The following TRNT1 variants were observed in gnomAD, a reference collection of about 807,000 sequenced individuals.
The protein encoded by TRNT1 is CCA tRNA nucleotidyltransferase 1, mitochondrial.
Under a neutral mutation model 45.6 loss-of-function variants are expected in TRNT1, and 44 were observed. The observed-to-expected ratio is 0.97, with a 90% CI of 0.76 to 1.24. The LOEUF is 1.24. Ranked by LOEUF, TRNT1 falls within the 50% of genes most tolerant of loss-of-function variation. TRNT1 has a pLI of 0.00. For missense variants in TRNT1, 633 were observed against 504.4 expected, an observed-to-expected ratio of 1.25 and a Z score of -2.44; for synonymous variants, 201 against 171.4, an observed-to-expected ratio of 1.17 and a Z score of -1.35.
At chr3:3,151,533 T>C (rs921502174), downstream of TRNT1, among the ~76,000 whole-genome samples, 17 of 152,226 alleles carry the variant, frequency 1.1e-4, no homozygotes, top group Admixed American at 3.3e-4. Context: ...TGTCAGATAA[T>C]GCAACCAGAA....
intron 1 of TRNT1, chr3:3,127,936 C>T (rs1199334950): frequency 2.6e-5 from 4 of 152,188 alleles, no homozygotes; most frequent in African/African-American, 9.7e-5. Context: ...GAGTTTATTT[C>T]TGTAACCAGG....
In TRNT1 at chr3:3,128,598, CAAAAAAAAAAAA is replaced by C. The variant is rs111647168; in HGVS notation, c.-27-404_-27-393del. Among the ~76,000 whole-genome samples the C allele has an allele frequency of 6.2e-4, 60 of 96,088 alleles. 1 individual carries two copies. The highest frequency in any genetic ancestry group is 8.7e-4 in the Non-Finnish European group (47 of 54,234). The allele number at this position is 96,088 out of a possible 152,430, so 63.0% of individuals were successfully genotyped here. On this transcript the variant is annotated intron_variant, in intron 1 of 7. Coordinates refer to ENST00000251607, the MANE Select transcript of TRNT1 (RefSeq NM_182916.3). ...TGAGCGACAGAGCGAGACTCCATCT[CAAAAAAAAAAAA>C]AAAAAAAAAAAGAATTCCTTTGTTA... is the stretch of plus-strand genomic sequence containing the variant.
intron 4 of TRNT1, among the ~76,000 whole-genome samples, chr3:3,142,482 C>T (rs995442453): frequency 6.6e-6 from 1 of 152,208 alleles, no homozygotes; most frequent in Non-Finnish European, 1.5e-5. Context: ...TTAACCACTA[C>T]ATTATTCCCT....
intron 4 of TRNT1, among the ~76,000 whole-genome samples, chr3:3,142,710 A>G (rs1044538001): frequency 6.6e-6 from 1 of 152,142 alleles, no homozygotes; most frequent in Non-Finnish European, 1.5e-5. Flanking sequence ...TCATATTCCT[A>G]TGATTTTTTC....
downstream of TRNT1, chr3:3,152,716 A>G (rs1425315335): frequency 2.7e-5 from 30 of 1,102,510 alleles, no homozygotes; most frequent in Non-Finnish European, 3.8e-5. Context: ...CTTCAGTTTT[A>G]TATAATACCA....
chr3:3,130,033 G>A (rs1452883688), intron 2 of TRNT1: 2 of 1,475,836 alleles, frequency 1.4e-6, no homozygotes, highest in African/African-American at 1.4e-5. Flanking sequence ...CTAAGTGCCA[G>A]TAGCTTCTTG....
chr3:3,133,786 G>A (rs139050872), intron 2 of TRNT1, among the ~76,000 whole-genome samples: 1 of 152,036 alleles, frequency 6.6e-6, no homozygotes, highest in African/African-American at 2.4e-5. Context: ...GAAGTCCGGA[G>A]CTCTTAGAAC....
Position 3,148,288 on chromosome 3 carries a change from T to C in TRNT1, c.*134T>C. 2.3e-6 allele frequency: 2 copies of C among 888,556 alleles called. No homozygotes were observed. Among genetic ancestry groups the C allele is most frequent in the South Asian group, 1.8e-5 (1 of 55,082 alleles). 55.0% of individuals were successfully genotyped at this position (888,556 alleles called of 1,614,324 possible). A position where few individuals can be genotyped will look rare whatever the true frequency, so the allele number is the denominator to read the frequency against. ...CCTCTGTAGAACAACAAGGGTCTTA[T>C]TTTGTGAATTATATATTTCAAGAAC... On this transcript the variant is annotated 3_prime_UTR_variant, in exon 8 of 8. Coordinates refer to ENST00000251607, the MANE Select transcript of TRNT1 (RefSeq NM_182916.3).
chr3:3,151,090 C>T (rs1459756520), downstream of TRNT1: 12 of 1,593,556 alleles, frequency 7.5e-6, no homozygotes, highest in African/African-American at 2.7e-5. Flanking sequence ...CATTTCTGTA[C>T]TCCAAGCCTA....
Position 3,147,538 on chromosome 3 carries a change from C to G in TRNT1, c.891C>G (p.Ala297=). The change falls in exon 7 of 8, where the codon GCC becomes GCG. Residue 297 remains alanine (A), a synonymous_variant. Transcript: ENST00000251607. ...CACCAAAGCCAGTGACTCTTTTGGC[C>G]TCATTATTCAAAGTACAAGATGATG... ...GFSPKPVTLL[A]SLFKVQDDVT... The G allele has an allele frequency of 1.9e-6, 3 of 1,613,854 alleles. No homozygotes were observed. The highest frequency in any genetic ancestry group is 2.5e-6 in the Non-Finnish European group (3 of 1,179,858).
chr3:3,128,243 C>T (rs1400985177), intron 1 of TRNT1, among the ~76,000 whole-genome samples: 1 of 152,120 alleles, frequency 6.6e-6, no homozygotes, highest in Non-Finnish European at 1.5e-5. Flanking sequence ...TTCGTGGAGG[C>T]CTGGGGAGTT....
chr3:3,136,656 TTC>T (rs1378333429), intron 2 of TRNT1: 4 of 412,856 alleles, frequency 9.7e-6, no homozygotes, highest in Non-Finnish European at 1.9e-5. Flanking sequence ...TTCTTTTTTT[TTC>T]TTTTTTTTTT....
At chr3:3,129,892 A>G (rs1704893715) in intron 2 of TRNT1, 2 of 1,550,590 alleles carry the variant, frequency 1.3e-6, no homozygotes, top group Non-Finnish European at 1.7e-6. Context: ...CCCAGCTTGC[A>G]ACCGCTAAGC....
chr3:3,148,071 T>G lies in TRNT1; in HGVS notation c.1222T>G (p.Leu408Val). ...ISSGKEIGAL[L>V]QQLREQWKKS... The stretch of plus-strand genomic sequence containing the variant: ...TTCAGGAAAAGAAATTGGGGCTCTA[T>G]TACAACAGTTGCGAGAACAGTGGAA... Residue 408 changes from leucine (L) to valine (V), a missense_variant, in exon 8 of 8, where the codon TTA becomes GTA. Transcript: ENST00000251607. 2 of 1,613,912 alleles carry G rather than the reference T, an allele frequency of 1.2e-6. No individual in the cohort carries two copies. Among genetic ancestry groups the G allele is most frequent in the Non-Finnish European group, 1.7e-6 (2 of 1,179,848 alleles).
intron 7 of TRNT1, 61 bp downstream of exon 7, chr3:3,147,764 T>A: frequency 6.5e-7 from 1 of 1,534,110 alleles, no homozygotes; most frequent in Non-Finnish European, 8.7e-7. Context: ...AGAATTAATT[T>A]ATTAAAACTA....
Position 3,146,427 on chromosome 3 carries a change from T to C in TRNT1, c.609-3T>C, listed in dbSNP as rs1706023192. ...AATACCCTGTGAAGATTTTGTCTTG[T>C]AGGTTTTATGGGAGAATTGTAGACA... On this transcript the variant is annotated splice_region_variant and splice_polypyrimidine_tract_variant and intron_variant, in intron 5 of 7. Coordinates refer to ENST00000251607, the MANE Select transcript of TRNT1 (RefSeq NM_182916.3). 6.2e-7 allele frequency: 1 copy of C among 1,604,528 alleles called. No individual in the cohort carries two copies. The highest frequency in any genetic ancestry group is 8.5e-7 in the Non-Finnish European group (1 of 1,176,904).
In TRNT1 at chr3:3,137,358, A is replaced by G. The variant is rs754885090; in HGVS notation, c.247A>G (p.Thr83Ala). Residue 83 changes from threonine (T) to alanine (A), a missense_variant, in exon 3 of 8, where the codon ACT becomes GCT. Physicochemically the swap from Thr to Ala is moderately conservative, Grantham distance 58. Transcript: ENST00000251607. ...GCCTCAGGATATAGATTTTGCCACC[A>G]CTGCTACCCCTACTCAAATGAAGGA... ...VKPQDIDFAT[T>A]ATPTQMKEMF... 1.2e-6 allele frequency: 2 copies of G among 1,614,046 alleles called. No individual in the cohort carries two copies. The highest frequency in any genetic ancestry group is 1.7e-6 in the Non-Finnish European group (2 of 1,179,952).
intron 3 of TRNT1, among the ~76,000 whole-genome samples, chr3:3,139,869 G>A (rs531990469): frequency 1.7e-4 from 26 of 152,140 alleles, no homozygotes; most frequent in Non-Finnish European, 3.4e-4. Context: ...TAGGACCACA[G>A]GCATGCACCA....
Position 3,144,664 on chromosome 3 carries a change from A to G in TRNT1, c.562A>G (p.Lys188Glu). 1 of 1,576,198 alleles carries G rather than the reference A, an allele frequency of 6.3e-7. No homozygotes were observed. Among genetic ancestry groups the G allele is most frequent in the Non-Finnish European group, 8.7e-7 (1 of 1,152,098 alleles). ...GAAAGTTAGATTTGTTGGACATGCT[A>G]AACAGAGAATACAAGAGGATTATCT... ...NKKVRFVGHA[K>E]QRIQEDYLRI... The change falls in exon 5 of 8, where the codon AAA becomes GAA. Residue 188 changes from lysine (K) to glutamate (E), a missense_variant. Coordinates refer to ENST00000251607, the MANE Select transcript of TRNT1 (RefSeq NM_182916.3).
Sources: gnomAD v4.1 joint callset for allele counts (sites outside exome capture counted in the v4.1 genomes callset) on GRCh38, gnomAD v4.1.1 for gene constraint, MANE v1.5 for transcripts, NCBI Gene and HGNC (gene_info 2026-07-23, HGNC 2026-07-21) for gene names.